The following HYKK variants were observed in gnomAD, a reference collection of about 807,000 sequenced individuals.
The protein encoded by HYKK is 5-hydroxy-L-lysine kinase.
A neutral mutation model predicts 29.7 loss-of-function variants in HYKK; 19 were observed. That is an observed-to-expected ratio of 0.64 (90% CI 0.45 to 0.94). The LOEUF (loss-of-function observed/expected upper bound fraction) is 0.94. HYKK is among the 40% of genes least tolerant of loss of function. The pLI is 0.00. For synonymous variants in HYKK, 152 were observed against 158.1 expected, an observed-to-expected ratio of 0.96 and a Z score of 0.29; for missense variants, 390 against 443.4, an observed-to-expected ratio of 0.88 and a Z score of 1.08.
intron 3 of HYKK, among the ~76,000 whole-genome samples, chr15:78,523,898 A>G (rs12594391): frequency 0.31 from 47,765 of 152,184 alleles, 8,542 homozygotes; most frequent in Non-Finnish European, 0.42. Context: ...GATGCAAGGG[A>G]TGGGCTCCCA....
rs543176844 is a variant in HYKK at position 78,513,402 on chromosome 15, A to G, written c.314A>G (p.Asn105Ser). The change falls in exon 2 of 5, where the codon AAC (asparagine) becomes AGC (serine). Residue 105 changes from asparagine to serine, a missense_variant. Coordinates refer to ENST00000388988, the MANE Select transcript of HYKK (RefSeq NM_001013619.4). ...TCTGTGTGTCACACTAAAGGAGACA[A>G]CACAGCTTCTCTCGTGTCTGTAGGT... ...TASVCHTKGD[N>S]TASLVSVDSG... 2.5e-6 allele frequency: 4 copies of G among 1,613,482 alleles called. No individual in the cohort carries two copies. The African/African-American group carries it at 4.0e-5, about 16-fold the overall frequency.
intron 3 of HYKK, among the ~76,000 whole-genome samples, chr15:78,515,920 ATC>A (rs2052128793): frequency 6.6e-6 from 1 of 152,166 alleles, no homozygotes; most frequent in Non-Finnish European, 1.5e-5. Context: ...AAATAAATAA[ATC>A]TTACTGGTGT....
At chr15:78,528,574 G>A in intron 4 of HYKK, 1 of 902,426 alleles carries the variant, frequency 1.1e-6, no homozygotes, top group Non-Finnish European at 1.3e-6. Context: ...AGGCCGAGGT[G>A]GGTGGATCAC....
chr15:78,511,050 C>G (rs2052069200), intron 1 of HYKK, among the ~76,000 whole-genome samples: 1 of 149,558 alleles, frequency 6.7e-6, no homozygotes. Context: ...TGAGTGTTCT[C>G]CCACCTTGGC....
chr15:78,508,757 C>A (rs1475434260), intron 1 of HYKK, among the ~76,000 whole-genome samples: 1 of 151,236 alleles, frequency 6.6e-6, no homozygotes, highest in African/African-American at 2.4e-5. Flanking sequence ...ATAATAAAAT[C>A]AAAAAGACAG....
Position 78,533,742 on chromosome 15 carries a change from A to G in HYKK, c.*72A>G, listed in dbSNP as rs974987686. ...AAATAGGACCCAGTCAAATTTTAGG[A>G]AGGATTTTCCTGCATAGTTAAAAAT... is the stretch of plus-strand genomic sequence containing the variant. On this transcript the variant is annotated 3_prime_UTR_variant, in exon 5 of 5. Transcript: ENST00000388988. The G allele has an allele frequency of 9.0e-7, 1 of 1,111,220 alleles. No homozygotes were observed. Among genetic ancestry groups the G allele is most frequent in the Non-Finnish European group, 1.3e-6 (1 of 755,974 alleles). The allele number at this position is 1,111,220 out of a possible 1,614,324, so 68.8% of individuals were successfully genotyped here. A position where few individuals can be genotyped will look rare whatever the true frequency, so the allele number is the denominator to read the frequency against.
At chr15:78,522,989 T>C (rs915042842) in intron 3 of HYKK, among the ~76,000 whole-genome samples, 2 of 152,068 alleles carry the variant, frequency 1.3e-5, no homozygotes, top group Non-Finnish European at 2.9e-5. Context: ...CCAGAGGTCA[T>C]AGTTGGAACC....
At chr15:78,511,323 A>G (rs987301724) in intron 1 of HYKK, among the ~76,000 whole-genome samples, 2 of 152,164 alleles carry the variant, frequency 1.3e-5, no homozygotes, top group African/African-American at 4.8e-5. Flanking sequence ...TGTCTTTCAT[A>G]TGTAGCTGGA....
chr15:78,528,629 C>T (rs1024637844), intron 4 of HYKK: 1 of 524,686 alleles, frequency 1.9e-6, no homozygotes, highest in African/African-American at 2.1e-5. Context: ...GTGGTGAAAC[C>T]CTGTTTCTAA....
intron 3 of HYKK, chr15:78,518,824 A>C (rs2052162202): frequency 3.7e-6 from 1 of 268,884 alleles, no homozygotes; most frequent in Non-Finnish European, 7.6e-6. Flanking sequence ...CTGAGACAGG[A>C]GAATCACTTG....
rs761708290 is a variant in HYKK, at chr15:78,513,257, G to C, written c.169G>C (p.Asp57His). Residue 57 changes from aspartate to histidine, a missense_variant, in exon 2 of 5, where the codon GAT (aspartate) becomes CAT (histidine). By Grantham distance (81) the Asp-to-His change is moderately conservative. Transcript: ENST00000388988. ...TCATGTCTACGTTTCAAAAACCAAA[G>C]ATGGCCCAACTGAATATGTCCTCAA... ...NFHVYVSKTK[D>H]GPTEYVLKIS... 81 of 1,614,170 alleles carry C rather than the reference G, an allele frequency of 5.0e-5. No individual in the cohort carries two copies. The highest frequency in any genetic ancestry group is 6.9e-5 in the Non-Finnish European group (81 of 1,180,042).
intron 1 of HYKK, among the ~76,000 whole-genome samples, chr15:78,510,782 C>G (rs1435641550): frequency 6.6e-6 from 1 of 152,098 alleles, no homozygotes; most frequent in African/African-American, 2.4e-5. Context: ...CAGTGATATT[C>G]ACAGATCTTA....
intron 4 of HYKK, among the ~76,000 whole-genome samples, chr15:78,531,824 T>C (rs1252625626): frequency 1.3e-5 from 2 of 152,212 alleles, no homozygotes; most frequent in Non-Finnish European, 2.9e-5. Context: ...CATGAGCCAC[T>C]GGGCCCGGTC....
intron 3 of HYKK, among the ~76,000 whole-genome samples, chr15:78,516,838 T>C (rs921449750): frequency 2.6e-5 from 4 of 151,614 alleles, no homozygotes; most frequent in African/African-American, 7.3e-5. Context: ...CTAGGCAACA[T>C]GGTGAAACCC....
Position 78,533,295 on chromosome 15 carries a change from T to C in HYKK, c.747T>C (p.Ser249=). Residue 249 remains serine (S), a synonymous_variant, in exon 5 of 5, where the codon TCT becomes TCC. Coordinates refer to ENST00000388988, the MANE Select transcript of HYKK (RefSeq NM_001013619.4). The part of the protein sequence containing the change: ...SASGNAEYQV[S]GILDFGDMSY... ...CTGGAAATGCTGAATATCAAGTGTCTGGGATTTTAGACTTTGGTGACATGA... is the reference window on the plus strand; with the variant it reads ...CTGGAAATGCTGAATATCAAGTGTCCGGGATTTTAGACTTTGGTGACATGA... The C allele has an allele frequency of 6.2e-7, 1 of 1,614,098 alleles. No homozygotes were observed. The highest frequency in any genetic ancestry group is 1.1e-5 in the South Asian group (1 of 91,084).
chr15:78,529,349 A>G (rs950171275), intron 4 of HYKK, among the ~76,000 whole-genome samples: 1 of 152,228 alleles, frequency 6.6e-6, no homozygotes, highest in Non-Finnish European at 1.5e-5. Flanking sequence ...GCTATTAAGA[A>G]CAGTGGTGCC....
intron 4 of HYKK, among the ~76,000 whole-genome samples, chr15:78,532,405 A>C (rs1192834462): frequency 6.6e-6 from 1 of 152,178 alleles, no homozygotes; most frequent in Non-Finnish European, 1.5e-5. Context: ...CATGGACCCC[A>C]CTTTGAATAG....
rs1251283478 is a variant in HYKK at position 78,527,522 on chromosome 15, T to A, written c.620T>A (p.Phe207Tyr). 6.2e-7 allele frequency: 1 copy of A among 1,614,136 alleles called. No individual in the cohort carries two copies. Among genetic ancestry groups the A allele is most frequent in the Non-Finnish European group, 8.5e-7 (1 of 1,180,012 alleles). ...ATTGTTGAGCATGTCATTCATCTGT[T>A]CAAGGAGGAAGTAATGACCAAATTA... ...REIVEHVIHLFKEEVMTKLSH... is the reference protein window; with the variant it reads ...REIVEHVIHLYKEEVMTKLSH... The change falls in exon 4 of 5, where the codon TTC becomes TAC. Residue 207 changes from phenylalanine to tyrosine, a missense_variant. Coordinates refer to ENST00000388988, the MANE Select transcript of HYKK (RefSeq NM_001013619.4).
chr15:78,537,367 C>T, downstream of HYKK: 1 of 605,246 alleles, frequency 1.7e-6, no homozygotes, highest in Non-Finnish European at 3.1e-6. Context: ...TAAGAATGAA[C>T]ACACCACTAC....
Sources: gnomAD v4.1 joint callset for allele counts (sites outside exome capture counted in the v4.1 genomes callset) on GRCh38, gnomAD v4.1.1 for gene constraint, MANE v1.5 for transcripts, NCBI Gene and HGNC (gene_info 2026-07-23, HGNC 2026-07-21) for gene names.